Variants in DLGAP2 observed in about 807,000 individuals in gnomAD.
The protein encoded by DLGAP2 is disks large-associated protein 2.
DLGAP2 carries 26 observed loss-of-function variants against 100.3 expected under a neutral mutation model. The observed-to-expected ratio is 0.26, with a 90% CI of 0.19 to 0.36. The LOEUF (loss-of-function observed/expected upper bound fraction) is 0.36. Among genes scored for constraint, DLGAP2 ranks in the 10% least tolerant of loss-of-function variants. DLGAP2 has a pLI of 1.00. For missense variants in DLGAP2, 1,858 were observed against 1,453.2 expected, an observed-to-expected ratio of 1.28 and a Z score of -4.53; for synonymous variants, 886 against 630.1, an observed-to-expected ratio of 1.41 and a Z score of -6.08.
rs758569109 is a variant in DLGAP2 at position 1,565,727 on chromosome 8, T to C, written c.1275T>C (p.Asp425=). 1.2e-6 allele frequency: 2 copies of C among 1,613,456 alleles called. No homozygotes were observed. Among genetic ancestry groups the C allele is most frequent in the Admixed American group, 1.7e-5 (1 of 59,956 alleles). Residue 425 remains aspartate, a synonymous_variant, in exon 6 of 15, where the codon GAT becomes GAC. Transcript: ENST00000637795. ...EWGGYPTGGK[D]EEIPCRRMRS... ...GAGGGTACCCCACCGGTGGCAAAGA[T>C]GAGGAGATTCCCTGCAGGAGAATGA...
intron 2 of DLGAP2, among the ~76,000 whole-genome samples, chr8:1,242,606 C>A (rs528974843): frequency 6.6e-6 from 1 of 152,346 alleles, no homozygotes; most frequent in East Asian, 1.9e-4. Flanking sequence ...CTGCGCCACT[C>A]CTCTGTGGCA....
At chr8:825,593 T>A (rs1280131416) in intron 1 of DLGAP2, among the ~76,000 whole-genome samples, 2 of 152,226 alleles carry the variant, frequency 1.3e-5, no homozygotes, top group African/African-American at 4.8e-5. Flanking sequence ...CAGATGTTGC[T>A]AATTTGGGTC....
intron 2 of DLGAP2, among the ~76,000 whole-genome samples, chr8:1,208,120 C>T (rs1021877495): frequency 1.3e-5 from 2 of 152,134 alleles, no homozygotes; most frequent in East Asian, 3.8e-4. Flanking sequence ...TGGGTTCTTG[C>T]TCATGAAGTA....
intron 3 of DLGAP2, among the ~76,000 whole-genome samples, chr8:1,277,341 A>G (rs947845286): frequency 6.6e-6 from 1 of 152,126 alleles, no homozygotes; most frequent in African/African-American, 2.4e-5. Flanking sequence ...AAATTAATCT[A>G]GGCAGCCTGT....
chr8:1,481,133 C>G (rs1235613393), intron 3 of DLGAP2, among the ~76,000 whole-genome samples: 1 of 152,000 alleles, frequency 6.6e-6, no homozygotes, highest in Non-Finnish European at 1.5e-5. Context: ...GATCACACCA[C>G]TGAACTCCAG....
At chr8:1,481,178 T>A (rs567576933) in intron 3 of DLGAP2, among the ~76,000 whole-genome samples, 3,879 of 148,616 alleles carry the variant, frequency 0.026, 75 homozygotes, top group Middle Eastern at 0.11. Context: ...TCTCAAAAAA[T>A]AAAAAAAAAA....
intron 3 of DLGAP2, among the ~76,000 whole-genome samples, chr8:1,270,977 A>G (rs538644963): frequency 6.6e-6 from 1 of 152,252 alleles, no homozygotes; most frequent in South Asian, 2.1e-4. Flanking sequence ...GTGTTGCAAA[A>G]AGGTAGATGG....
chr8:1,325,683 C>T (rs1801005918), intron 3 of DLGAP2, among the ~76,000 whole-genome samples: 1 of 152,176 alleles, frequency 6.6e-6, no homozygotes, highest in Non-Finnish European at 1.5e-5. Flanking sequence ...TCTCATTATT[C>T]CTCTCGCGTG....
chr8:931,360 G>A (rs1179094584), intron 2 of DLGAP2, among the ~76,000 whole-genome samples: 2 of 152,264 alleles, frequency 1.3e-5, no homozygotes, highest in Non-Finnish European at 2.9e-5. Context: ...ACGCGAGGGT[G>A]AGAACAAGAG....
At chr8:1,174,021 G>T (rs1481307419) in intron 2 of DLGAP2, among the ~76,000 whole-genome samples, 1 of 152,106 alleles carries the variant, frequency 6.6e-6, no homozygotes, top group Non-Finnish European at 1.5e-5. Context: ...GGCCATCTTG[G>T]CTCCTCCGCT....
At chr8:1,327,560 G>A (rs1228135143) in intron 3 of DLGAP2, among the ~76,000 whole-genome samples, 3 of 152,262 alleles carry the variant, frequency 2.0e-5, no homozygotes, top group Non-Finnish European at 4.4e-5. Context: ...AAGAAACATG[G>A]TGAGCCAGGC....
chr8:830,137 T>A (rs142877876), intron 1 of DLGAP2, among the ~76,000 whole-genome samples: 101 of 152,278 alleles, frequency 6.6e-4, no homozygotes, highest in African/African-American at 2.4e-3. Context: ...CATGTAACAT[T>A]TGCTTTTTAT....
At chr8:1,625,630 G>T (rs1797471140) in intron 6 of DLGAP2, among the ~76,000 whole-genome samples, 1 of 152,182 alleles carries the variant, frequency 6.6e-6, no homozygotes, top group Non-Finnish European at 1.5e-5. Flanking sequence ...ATGTAAAGTT[G>T]CCAGAGAGCC....
intron 3 of DLGAP2, among the ~76,000 whole-genome samples, chr8:1,277,666 G>A (rs1253581378): frequency 3.3e-5 from 5 of 152,282 alleles, no homozygotes; most frequent in East Asian, 3.9e-4. Flanking sequence ...AGTGTTATCC[G>A]AAATGAGTGG....
chr8:813,944 A>G (rs1796417469), intron 1 of DLGAP2, among the ~76,000 whole-genome samples: 1 of 152,142 alleles, frequency 6.6e-6, no homozygotes, highest in Non-Finnish European at 1.5e-5. Context: ...AGATGATAAA[A>G]AGTACAGGAC....
chr8:1,197,835 A>G (rs1437489055), intron 2 of DLGAP2, among the ~76,000 whole-genome samples: 2 of 152,038 alleles, frequency 1.3e-5, no homozygotes, highest in African/African-American at 2.4e-5. Context: ...GTTCCCTCCC[A>G]TGGGGGATGA....
rs748396424 is a variant in DLGAP2 at position 1,701,351 on chromosome 8, C to G, written c.3113C>G (p.Ser1038Cys). Residue 1038 changes from serine (S) to cysteine (C), a missense_variant, in exon 15 of 15, where the codon TCC becomes TGC. Ser to Cys is a moderately radical substitution (Grantham distance 112). Transcript: ENST00000637795. Reference protein sequence around the residue: ...RAASFRQNSASERADSIEIYI... With the variant: ...RAASFRQNSACERADSIEIYI... ...GCGTCCTTCCGGCAGAATTCCGCCT[C>G]CGAGCGCGCGGACAGCATCGAGATC... 5 of 1,590,156 alleles carry G rather than the reference C, an allele frequency of 3.1e-6. No homozygotes were observed. The South Asian group carries it at 3.4e-5, about 11-fold the overall frequency.
At position 1,419,549 on chromosome 8, in the gene DLGAP2, G is replaced by A. The variant is rs959503824; in HGVS notation, c.107-81817G>A. On this transcript the variant is annotated intron_variant, in intron 3 of 14. Transcript: ENST00000637795. ...AATTGTACATATCTGTGGATCTTGT[G>A]TTACATGTTGATACGTGTACATAAT... 1.1e-4 allele frequency among the ~76,000 whole-genome samples: 16 copies of A among 151,990 alleles called. 1 individual carries two copies. Among genetic ancestry groups the A allele is most frequent in the African/African-American group, 3.9e-4 (16 of 41,362 alleles).
At chr8:1,360,641 C>T (rs868222372) in intron 3 of DLGAP2, among the ~76,000 whole-genome samples, 1 of 152,172 alleles carries the variant, frequency 6.6e-6, no homozygotes, top group Non-Finnish European at 1.5e-5. Flanking sequence ...ATGCACACCC[C>T]CCACATCCTG....
Sources: gnomAD v4.1 joint callset for allele counts (sites outside exome capture counted in the v4.1 genomes callset) on GRCh38, gnomAD v4.1.1 for gene constraint, MANE v1.5 for transcripts, NCBI Gene and HGNC (gene_info 2026-07-23, HGNC 2026-07-21) for gene names.